Variants in CDH8 observed in about 807,000 individuals in gnomAD.
The protein encoded by CDH8 is cadherin 8, also known as cadherin-8.
Under a neutral mutation model 68.1 loss-of-function variants are expected in CDH8, and 17 were observed. The observed-to-expected ratio is 0.25, with a 90% CI of 0.17 to 0.37. The LOEUF is 0.37. Among genes scored for constraint, CDH8 ranks in the 10% least tolerant of loss-of-function variants. The probability of loss-of-function intolerance (pLI) is 1.00; values close to 1 mark genes in which losing one functional copy is unlikely to be tolerated. For synonymous variants in CDH8, 372 were observed against 365.1 expected (o/e 1.02, Z -0.21); for missense variants, 763 against 999.3 (o/e 0.76, Z 3.19).
intron 2 of CDH8, among the ~76,000 whole-genome samples, chr16:61,958,869 C>G (rs1471375119): frequency 1.3e-5 from 2 of 152,162 alleles, no homozygotes; most frequent in Non-Finnish European, 2.9e-5. Context: ...TCTCCCTGAT[C>G]TGACCCTGAC....
chr16:61,881,545 C>T (rs1001225959), intron 3 of CDH8, among the ~76,000 whole-genome samples: 16 of 152,196 alleles, frequency 1.1e-4, no homozygotes, highest in Admixed American at 4.6e-4. Flanking sequence ...AAAGAAGATG[C>T]GCACTGATGT....
intron 2 of CDH8, among the ~76,000 whole-genome samples, chr16:61,936,835 C>A (rs1964634818): frequency 6.6e-6 from 1 of 152,122 alleles, no homozygotes; most frequent in South Asian, 2.1e-4. Context: ...CATTAAGAAC[C>A]TCAGAACTGT....
chr16:61,952,728 C>A (rs1351360757), intron 2 of CDH8, among the ~76,000 whole-genome samples: 3 of 152,084 alleles, frequency 2.0e-5, no homozygotes, highest in Non-Finnish European at 1.5e-5. Context: ...TAGGGATCCT[C>A]GGAATGTTAT....
At chr16:61,927,086 T>A (rs905007119) in intron 2 of CDH8, among the ~76,000 whole-genome samples, 1 of 152,170 alleles carries the variant, frequency 6.6e-6, no homozygotes, top group African/African-American at 2.4e-5. Flanking sequence ...TAATTCAATA[T>A]CCTTGTACAG....
intron 8 of CDH8, among the ~76,000 whole-genome samples, chr16:61,767,328 T>C (rs1238370060): frequency 2.0e-5 from 3 of 151,930 alleles, no homozygotes; most frequent in African/African-American, 7.2e-5. Context: ...TAATTATGAA[T>C]TCATGAAAAG....
intron 2 of CDH8, among the ~76,000 whole-genome samples, chr16:61,984,309 G>A (rs185540743): frequency 5.0e-4 from 76 of 152,272 alleles, no homozygotes; most frequent in Non-Finnish European, 9.3e-4. Context: ...TAAAACCATC[G>A]TAGTGAAGGT....
rs1043868406 is a variant in CDH8 at position 61,648,390 on chromosome 16, A to G, written c.*5218T>C. On this transcript the variant is annotated 3_prime_UTR_variant, in exon 12 of 12. Coordinates refer to ENST00000577390, the MANE Select transcript of CDH8 (RefSeq NM_001796.5). Reference sequence around the variant, plus strand: ...CTGTTGCACCCATTCTTGAGTTCCCATCTTTTTGGAAAATTTCACCGTGAC... The same window carrying G: ...CTGTTGCACCCATTCTTGAGTTCCCGTCTTTTTGGAAAATTTCACCGTGAC... 1 of 152,394 alleles carries G rather than the reference A, an allele frequency of 6.6e-6. No individual in the cohort carries two copies. The highest frequency in any genetic ancestry group is 2.4e-5 in the African/African-American group (1 of 41,378). 9.4% of individuals were successfully genotyped at this position (152,394 alleles called of 1,614,324 possible). A position where few individuals can be genotyped will look rare whatever the true frequency, so the allele number is the denominator to read the frequency against.
chr16:61,665,501 CA>C (rs924401203), intron 10 of CDH8, among the ~76,000 whole-genome samples: 26 of 151,876 alleles, frequency 1.7e-4, no homozygotes, highest in Non-Finnish European at 1.6e-4. Flanking sequence ...CAGGGCCTGT[CA>C]GGGGGTGGGG....
Position 61,691,547 on chromosome 16 carries a change from G to A in CDH8, c.1654+22294C>T, listed in dbSNP as rs566864055. Reference sequence around the variant, plus strand: ...ACTTATTGTGCCCTTTGAGAACCTCGGACTTTAGACAAGCAAATCAATGAT... The same window carrying A: ...ACTTATTGTGCCCTTTGAGAACCTCAGACTTTAGACAAGCAAATCAATGAT... On this transcript the variant is annotated intron_variant, in intron 10 of 11. Coordinates refer to ENST00000577390, the MANE Select transcript of CDH8 (RefSeq NM_001796.5). Among the ~76,000 whole-genome samples, 15 of 151,594 alleles carry A rather than the reference G, an allele frequency of 9.9e-5. No individual in the cohort carries two copies. In the South Asian group the frequency reaches 2.7e-3, roughly 27 times the overall value.
At chr16:61,656,714 T>C (rs976713146) in intron 10 of CDH8, among the ~76,000 whole-genome samples, 3 of 152,232 alleles carry the variant, frequency 2.0e-5, no homozygotes. Flanking sequence ...TATGGAGATA[T>C]ATACTGGTTG....
At chr16:61,853,872 GC>G (rs1962989300) in intron 4 of CDH8, among the ~76,000 whole-genome samples, 1 of 151,886 alleles carries the variant, frequency 6.6e-6, no homozygotes. Flanking sequence ...CCAAGTACTT[GC>G]TATTCCTGCA....
rs1567405337 is a variant in CDH8, at chr16:61,655,697, T to C, written c.1679A>G (p.Lys560Arg). The C allele has an allele frequency of 6.2e-7, 1 of 1,613,926 alleles. No individual in the cohort carries two copies. Among genetic ancestry groups the C allele is most frequent in the Non-Finnish European group, 8.5e-7 (1 of 1,179,836 alleles). The change falls in exon 11 of 12, where the codon AAG (lysine) becomes AGG (arginine). Residue 560 changes from lysine (K) to arginine (R), a missense_variant. Coordinates refer to ENST00000577390, the MANE Select transcript of CDH8 (RefSeq NM_001796.5). ...NEDNSLSILAKHNGFNRQKQE... is the reference protein window; with the variant it reads ...NEDNSLSILARHNGFNRQKQE... ...CTTCTGGCGGTTGAATCCATTATGC[T>C]TTGCCAAAATACTGAGGGAATTATC...
At chr16:61,897,725 C>T (rs1384571900) in intron 3 of CDH8, among the ~76,000 whole-genome samples, 4 of 152,110 alleles carry the variant, frequency 2.6e-5, no homozygotes, top group African/African-American at 9.7e-5. Context: ...AGCAATCATT[C>T]ATCAAAACCA....
intron 3 of CDH8, among the ~76,000 whole-genome samples, chr16:61,872,321 G>T (rs564232478): frequency 6.6e-6 from 1 of 152,284 alleles, no homozygotes; most frequent in Non-Finnish European, 1.5e-5. Flanking sequence ...TGTGCCCAAG[G>T]TGGTTGGGAT....
chr16:61,853,637 T>C (rs1028248285), intron 4 of CDH8, among the ~76,000 whole-genome samples: 1 of 152,080 alleles, frequency 6.6e-6, no homozygotes, highest in African/African-American at 2.4e-5. Flanking sequence ...GGTCACTTCC[T>C]GAAGTAATGT....
intron 2 of CDH8, among the ~76,000 whole-genome samples, chr16:61,947,727 G>A (rs1006689930): frequency 6.6e-6 from 1 of 152,010 alleles, no homozygotes; most frequent in Non-Finnish European, 1.5e-5. Context: ...TTATTCTAGA[G>A]TATTACAAGT....
chr16:61,817,303 G>A (rs1025131328), intron 7 of CDH8, among the ~76,000 whole-genome samples, 176 bp downstream of exon 7: 18 of 133,964 alleles, frequency 1.3e-4, no homozygotes, highest in African/African-American at 3.9e-4. Context: ...ATACGTGTGC[G>A]TGTACACACC....
intron 7 of CDH8, among the ~76,000 whole-genome samples, chr16:61,809,038 T>C (rs1451849885): frequency 6.6e-6 from 1 of 151,892 alleles, no homozygotes. Flanking sequence ...AATACAAAAT[T>C]AGACGGGCAT....
intron 2 of CDH8, among the ~76,000 whole-genome samples, chr16:61,985,147 A>G (rs902302440): frequency 6.6e-6 from 1 of 151,234 alleles, no homozygotes; most frequent in African/African-American, 2.4e-5. Flanking sequence ...ACTCTTGATG[A>G]TCTTTGCTAT....
Sources: allele counts gnomAD v4.1 joint callset (sites outside exome capture counted in the v4.1 genomes callset), GRCh38; gene constraint gnomAD v4.1.1; transcripts MANE v1.5; gene names NCBI Gene and HGNC (gene_info 2026-07-23, HGNC 2026-07-21).